The following ABLIM2 variants were observed in gnomAD, a reference collection of about 807,000 sequenced individuals.
ABLIM2 encodes actin-binding LIM protein 2.
Under a neutral mutation model 97.7 loss-of-function variants are expected in ABLIM2, and 53 were observed. The ratio of observed to expected loss-of-function variants is 0.54; its 90% CI spans 0.44 to 0.68. The LOEUF (loss-of-function observed/expected upper bound fraction) is 0.68, where lower values mean the gene tolerates loss of function less well. Ranked by LOEUF, ABLIM2 falls within the 30% of genes least tolerant of loss-of-function variation. The probability of loss-of-function intolerance (pLI) is 0.00; values close to 1 mark genes in which losing one functional copy is unlikely to be tolerated. For missense variants in ABLIM2, 835 were observed against 867.2 expected (o/e 0.96, Z 0.47); for synonymous variants, 361 against 345.8 (o/e 1.04, Z -0.49).
intron 1 of ABLIM2, among the ~76,000 whole-genome samples, chr4:8,133,297 T>C (rs1202465012): frequency 6.6e-6 from 1 of 152,212 alleles, no homozygotes; most frequent in African/African-American, 2.4e-5. Flanking sequence ...TTAGCGGGAA[T>C]GCAATTCAAC....
At chr4:8,121,300 C>T (rs1038700584) in intron 1 of ABLIM2, among the ~76,000 whole-genome samples, 1 of 152,232 alleles carries the variant, frequency 6.6e-6, no homozygotes, top group Admixed American at 6.5e-5. Context: ...GGCAGCCACC[C>T]CCGCTCAGGC....
rs866225320 is a variant in ABLIM2 at position 8,004,105 on chromosome 4, C to T, written c.1618+3954G>A. 2.1e-5 allele frequency among the ~76,000 whole-genome samples: 3 copies of T among 143,590 alleles called. No individual in the cohort carries two copies. The highest frequency in any genetic ancestry group is 8.2e-5 in the African/African-American group (3 of 36,400). The allele number at this position is 143,590 out of a possible 152,430, so 94.2% of individuals were successfully genotyped here. ...AAGACCACCTCTGCCCTGGTCCCCACCCACCACCTTCCCTTCCACAGAAAA... is the reference window on the plus strand; with the variant it reads ...AAGACCACCTCTGCCCTGGTCCCCATCCACCACCTTCCCTTCCACAGAAAA... On this transcript the variant is annotated intron_variant, in intron 16 of 20. Coordinates refer to ENST00000447017, the MANE Select transcript of ABLIM2 (RefSeq NM_001130083.2). This position sits in a 1 kb window ranked among gnomAD's most constrained non-coding sequence, Gnocchi z 5.9.
At position 7,998,347 on chromosome 4, in the gene ABLIM2, C is replaced by T. The variant is rs531927762; in HGVS notation, c.1619-5420G>A. Among the ~76,000 whole-genome samples, 6 of 152,292 alleles carry T rather than the reference C, an allele frequency of 3.9e-5. No individual in the cohort carries two copies. The South Asian group carries it at 6.2e-4, about 16-fold the overall frequency. ...GCAGGCTGTCACCCTGTTTAGGTTT[C>T]GCGTGTACAGCCTGTTCTTTTGGAG... On this transcript the variant is annotated intron_variant, in intron 16 of 20. Coordinates refer to ENST00000447017, the MANE Select transcript of ABLIM2 (RefSeq NM_001130083.2). The surrounding 1 kb of genome is among the most constrained non-coding windows in gnomAD (Gnocchi z 6.4).
rs1024466834 is a variant in ABLIM2 at position 8,120,300 on chromosome 4, C to T, written c.11-13663G>A. On this transcript the variant is annotated intron_variant, in intron 1 of 20. Transcript: ENST00000447017. The surrounding 1 kb of genome is among the most constrained non-coding windows in gnomAD (Gnocchi z 5.6). ...CTAACCCCCGGACCTCGGCAAGTGA[C>T]TGTGTTCGGAGACGGGGCCTTCAAA... Among the ~76,000 whole-genome samples the T allele has an allele frequency of 6.6e-6, 1 of 152,152 alleles. No homozygotes were observed. The highest frequency in any genetic ancestry group is 1.5e-5 in the Non-Finnish European group (1 of 68,028).
In ABLIM2 at chr4:8,023,624, C is replaced by T. The variant is rs563921271; in HGVS notation, c.1268-3321G>A. Among the ~76,000 whole-genome samples, 38 of 152,316 alleles carry T rather than the reference C, an allele frequency of 2.5e-4. No homozygotes were observed. Among genetic ancestry groups the T allele is most frequent in the East Asian group, 1.5e-3 (8 of 5,184 alleles). On this transcript the variant is annotated intron_variant, in intron 12 of 20. Coordinates refer to ENST00000447017, the MANE Select transcript of ABLIM2 (RefSeq NM_001130083.2). The surrounding 1 kb of genome is among the most constrained non-coding windows in gnomAD (Gnocchi z 5.7). Reference sequence around the variant, plus strand: ...TCTCTCCCCTCCCACATGGCGCTCTCGGGAAGGAGCCACTCTGTGTAGCCC... The same window carrying T: ...TCTCTCCCCTCCCACATGGCGCTCTTGGGAAGGAGCCACTCTGTGTAGCCC...
chr4:7,981,095 C>A (rs1239067143), intron 20 of ABLIM2, among the ~76,000 whole-genome samples: 1 of 151,840 alleles, frequency 6.6e-6, no homozygotes, highest in Non-Finnish European at 1.5e-5. Flanking sequence ...AGGTGCCCAC[C>A]ACAATGCCTG....
Position 8,071,077 on chromosome 4 carries a change from T to C in ABLIM2, c.675+6551A>G, listed in dbSNP as rs972545285. ...CCAGTGGCTTCTCCTCATCCACACC[T>C]CCTCCCTTTATGCAGCCCTGGTCTA... On this transcript the variant is annotated intron_variant, in intron 6 of 20. Coordinates refer to ENST00000447017, the MANE Select transcript of ABLIM2 (RefSeq NM_001130083.2). This position sits in a 1 kb window ranked among gnomAD's most constrained non-coding sequence, Gnocchi z 6.2. Among the ~76,000 whole-genome samples, 18 of 152,030 alleles carry C rather than the reference T, an allele frequency of 1.2e-4. No individual in the cohort carries two copies. Among genetic ancestry groups the C allele is most frequent in the Admixed American group, 7.2e-4 (11 of 15,262 alleles).
In ABLIM2 at chr4:8,112,955, C is replaced by A. The variant is rs1578123059; in HGVS notation, c.11-6318G>T. ...GGGAGAGAGGTGTGCCATTCAGCAC[C>A]ACACCAGCGTGACAGGCACAGGAAG... On this transcript the variant is annotated intron_variant, in intron 1 of 20. Transcript: ENST00000447017. The surrounding 1 kb of genome is among the most constrained non-coding windows in gnomAD (Gnocchi z 4.2). Among the ~76,000 whole-genome samples the A allele has an allele frequency of 1.3e-5, 2 of 152,168 alleles. No individual in the cohort carries two copies. The highest frequency in any genetic ancestry group is 2.9e-5 in the Non-Finnish European group (2 of 68,036).
chr4:8,091,418 TTA>T (rs1275280542), intron 3 of ABLIM2, among the ~76,000 whole-genome samples: 3 of 48,654 alleles, frequency 6.2e-5, no homozygotes, highest in East Asian at 5.0e-4. Flanking sequence ...TAATTATATA[TTA>T]TATATTATAT....
chr4:8,028,887 G>A (rs564937579), intron 11 of ABLIM2, among the ~76,000 whole-genome samples: 2 of 152,198 alleles, frequency 1.3e-5, no homozygotes, highest in Non-Finnish European at 2.9e-5. Flanking sequence ...TTCCACAAAG[G>A]CTGCAAAAAT....
rs559554375 is a variant in ABLIM2, at chr4:8,070,629, G to A, written c.675+6999C>T. Reference sequence around the variant, plus strand: ...TTCAACTGGTCCCTGACCCAGGGCAGAGAGAGCCTCGGCACCCCCTTTCCT... The same window carrying A: ...TTCAACTGGTCCCTGACCCAGGGCAAAGAGAGCCTCGGCACCCCCTTTCCT... On this transcript the variant is annotated intron_variant, in intron 6 of 20. Coordinates refer to ENST00000447017, the MANE Select transcript of ABLIM2 (RefSeq NM_001130083.2). 6.6e-5 allele frequency among the ~76,000 whole-genome samples: 10 copies of A among 152,290 alleles called. No homozygotes were observed. The East Asian group carries it at 1.9e-3, about 29-fold the overall frequency.
At chr4:8,008,671 C>A (rs1016785950) in intron 15 of ABLIM2, among the ~76,000 whole-genome samples, 1 of 152,256 alleles carries the variant, frequency 6.6e-6, no homozygotes, top group African/African-American at 2.4e-5. Context: ...TCGGTAGCTG[C>A]ATCGGAGATG....
rs1444796761 is a variant in ABLIM2 at position 8,127,406 on chromosome 4, A to G, written c.11-20769T>C. Reference sequence around the variant, plus strand: ...GCTCATGACCTTCACGCAGGGCACAACTTGACTGGACCCGTCCTTTCCCAC... The same window carrying G: ...GCTCATGACCTTCACGCAGGGCACAGCTTGACTGGACCCGTCCTTTCCCAC... On this transcript the variant is annotated intron_variant, in intron 1 of 20. Transcript: ENST00000447017. The surrounding 1 kb of genome is among the most constrained non-coding windows in gnomAD (Gnocchi z 7.3). 4 of 1,091,782 alleles carry G rather than the reference A, an allele frequency of 3.7e-6. No homozygotes were observed. The highest frequency in any genetic ancestry group is 4.8e-6 in the Non-Finnish European group (4 of 832,594). 67.6% of individuals were successfully genotyped at this position (1,091,782 alleles called of 1,614,324 possible).
At position 8,075,032 on chromosome 4, in the gene ABLIM2, C is replaced by T. The variant is rs1815080311; in HGVS notation, c.675+2596G>A. 6.6e-6 allele frequency among the ~76,000 whole-genome samples: 1 copy of T among 152,196 alleles called. No individual in the cohort carries two copies. The highest frequency in any genetic ancestry group is 6.5e-5 in the Admixed American group (1 of 15,284). On this transcript the variant is annotated intron_variant, in intron 6 of 20. Transcript: ENST00000447017. This position sits in a 1 kb window ranked among gnomAD's most constrained non-coding sequence, Gnocchi z 4.4. ...AACTCCTGACCTCGTGATCCGCCTG[C>T]CTCAGCCTCCCAAAGTGCTGGGATT...
rs902455907 is a variant in ABLIM2, at chr4:8,132,983, G to A, written c.10+25697C>T. Among the ~76,000 whole-genome samples, 24 of 152,292 alleles carry A rather than the reference G, an allele frequency of 1.6e-4. No individual in the cohort carries two copies. Among genetic ancestry groups the A allele is most frequent in the South Asian group, 6.2e-4 (3 of 4,822 alleles). ...TAACAACAGGCATTTACTCTCCCCG[G>A]TTCTGGAGACCAGAAGTCCCAGATC... On this transcript the variant is annotated intron_variant, in intron 1 of 20. Coordinates refer to ENST00000447017, the MANE Select transcript of ABLIM2 (RefSeq NM_001130083.2). The surrounding 1 kb of genome is among the most constrained non-coding windows in gnomAD (Gnocchi z 8.0).
intron 1 of ABLIM2, among the ~76,000 whole-genome samples, chr4:8,145,293 C>T (rs1201462832): frequency 6.6e-6 from 1 of 151,968 alleles, no homozygotes; most frequent in Non-Finnish European, 1.5e-5. Flanking sequence ...AAGCAATTCT[C>T]CTGCTTCAGC....
rs1781447644 is a variant in ABLIM2, at chr4:8,032,259, C to T, written c.1048-2483G>A. Among the ~76,000 whole-genome samples the T allele has an allele frequency of 6.6e-6, 1 of 152,130 alleles. No individual in the cohort carries two copies. Among genetic ancestry groups the T allele is most frequent in the African/African-American group, 2.4e-5 (1 of 41,498 alleles). On this transcript the variant is annotated intron_variant, in intron 10 of 20. Transcript: ENST00000447017. This position sits in a 1 kb window ranked among gnomAD's most constrained non-coding sequence, Gnocchi z 4.3. Reference sequence around the variant, plus strand: ...AAAGCTCTTTTGTAGAGAGACACGTCCAGTGTTTCTCCACGAGGACTGGGT... The same window carrying T: ...AAAGCTCTTTTGTAGAGAGACACGTTCAGTGTTTCTCCACGAGGACTGGGT...
chr4:8,020,424 C>T, intron 12 of ABLIM2, 121 bp from the exon 13 acceptor site: 2 of 882,614 alleles, frequency 2.3e-6, no homozygotes, highest in Non-Finnish European at 3.6e-6. Context: ...TGGAGCAGCC[C>T]AGATCCCCTG....
chr4:8,054,196 T>C lies in ABLIM2; in HGVS notation c.814A>G (p.Arg272Gly). 6.2e-7 allele frequency: 1 copy of C among 1,614,096 alleles called. No individual in the cohort carries two copies. The highest frequency in any genetic ancestry group is 1.1e-5 in the South Asian group (1 of 91,092). ...ACRQAARTEDRNKETRTSSES... is the reference protein window; with the variant it reads ...ACRQAARTEDGNKETRTSSES... ...CAGTGAATGCCACCAACCTTGTTTC[T>C]GTCTTCAGTTCTGGCTGCTTGTCGA... The change falls in exon 8 of 21, where the codon AGA (arginine) becomes GGA (glycine). Residue 272 changes from arginine to glycine, a missense_variant. Physicochemically the swap from Arg to Gly is moderately radical, Grantham distance 125. Coordinates refer to ENST00000447017, the MANE Select transcript of ABLIM2 (RefSeq NM_001130083.2). This position sits in a 1 kb window ranked among gnomAD's most constrained non-coding sequence, Gnocchi z 4.9.
Sources: allele counts gnomAD v4.1 joint callset (sites outside exome capture counted in the v4.1 genomes callset), GRCh38; gene constraint gnomAD v4.1.1; non-coding constraint Gnocchi (gnomAD v3.1); transcripts MANE v1.5; gene names NCBI Gene and HGNC (gene_info 2026-07-23, HGNC 2026-07-21).